Variants in MYO1F observed in about 807,000 individuals in gnomAD.
The protein encoded by MYO1F is myosin IF.
Under a neutral mutation model 146.6 loss-of-function variants are expected in MYO1F, and 60 were observed. That is an observed-to-expected ratio of 0.41 (90% CI 0.33 to 0.51). The LOEUF is 0.51. Among genes scored for constraint, MYO1F ranks in the 20% least tolerant of loss-of-function variants. The pLI is 0.25. For synonymous variants in MYO1F, 602 were observed against 602.1 expected (o/e 1.00, Z 0.00); for missense variants, 1,274 against 1,534.3 (o/e 0.83, Z 2.83).
rs60799506 is a variant in MYO1F at position 8,532,903 on chromosome 19, TACACACACACACACACACACAC to T, written c.2044-2352_2044-2331del. 3.4e-4 allele frequency among the ~76,000 whole-genome samples: 39 copies of T among 113,172 alleles called. 1 individual carries two copies. The highest frequency in any genetic ancestry group is 2.4e-3 in the South Asian group (8 of 3,270). 74.2% of individuals were successfully genotyped at this position (113,172 alleles called of 152,430 possible). A position where few individuals can be genotyped will look rare whatever the true frequency, so the allele number is the denominator to read the frequency against. ...ATCCTGTCTCAGAAAAAAAAAAAAA[TACACACACACACACACACACAC>T]ACACACACACACACACACACACACA... is the stretch of plus-strand genomic sequence containing the variant. On this transcript the variant is annotated intron_variant, in intron 19 of 27. Coordinates refer to ENST00000644032, the MANE Select transcript of MYO1F (RefSeq NM_012335.4).
Position 8,558,633 on chromosome 19 carries a change from A to G in MYO1F, c.4-2837T>C, listed in dbSNP as rs556421866. Reference sequence around the variant, plus strand: ...GGCTCACTCTGTCTCTATTCAACACATCTCTGCAAAGGAGTAGTCTGACAG... The same window carrying G: ...GGCTCACTCTGTCTCTATTCAACACGTCTCTGCAAAGGAGTAGTCTGACAG... On this transcript the variant is annotated intron_variant, in intron 1 of 27. Transcript: ENST00000644032. Among the ~76,000 whole-genome samples, 9 of 152,132 alleles carry G rather than the reference A, an allele frequency of 5.9e-5. No homozygotes were observed. The South Asian group carries it at 1.9e-3, about 32-fold the overall frequency.
In MYO1F at chr19:8,554,520, G is replaced by A. The variant is rs983365231; in HGVS notation, c.283C>T (p.Arg95Trp). 8 of 1,613,384 alleles carry A rather than the reference G, an allele frequency of 5.0e-6. No individual in the cohort carries two copies. Among genetic ancestry groups the A allele is most frequent in the South Asian group, 1.1e-5 (1 of 91,064 alleles). Residue 95 changes from arginine (R) to tryptophan (W), a missense_variant, in exon 4 of 28, where the codon CGG (arginine) becomes TGG (tryptophan). Arg to Trp is a moderately radical substitution (Grantham distance 101). Coordinates refer to ENST00000644032, the MANE Select transcript of MYO1F (RefSeq NM_012335.4). ...HIYALTDNMY[R>W]NMLIDCENQC... ...TTCTCACAGTCGATAAGCATGTTCC[G>A]GTACATGTTGTCCGTGAGGGCGTAG...
At chr19:8,554,432 G>C in intron 4 of MYO1F, 45 bp downstream of exon 4, 1 of 1,522,604 alleles carries the variant, frequency 6.6e-7, no homozygotes, top group South Asian at 1.1e-5. Flanking sequence ...TGTTTCAGCA[G>C]GGGCCCGGGC....
intron 1 of MYO1F, among the ~76,000 whole-genome samples, chr19:8,574,637 CTTTCTTTCCTTT>C (rs1398619605): frequency 2.2e-5 from 1 of 44,630 alleles, no homozygotes; most frequent in East Asian, 1.7e-3. Flanking sequence ...TTCTTTCTTT[CTTTCTTTCCTTT>C]CTTTCTCTTT....
At position 8,526,305 on chromosome 19, in the gene MYO1F, C is replaced by T. The variant is rs925935603; in HGVS notation, c.2770+148G>A. On this transcript the variant is annotated intron_variant, in intron 24 of 27. Coordinates refer to ENST00000644032, the MANE Select transcript of MYO1F (RefSeq NM_012335.4). Reference sequence around the variant, plus strand: ...TCGTGCCACAACACTCCAGCCTGGGCGACAGAGTGAGACTCCGTCTTAAAA... The same window carrying T: ...TCGTGCCACAACACTCCAGCCTGGGTGACAGAGTGAGACTCCGTCTTAAAA... The T allele has an allele frequency of 5.5e-6, 7 of 1,266,592 alleles. No individual in the cohort carries two copies. In the South Asian group the frequency reaches 9.2e-5, roughly 17 times the overall value. 78.5% of individuals were successfully genotyped at this position (1,266,592 alleles called of 1,614,324 possible). A position where few individuals can be genotyped will look rare whatever the true frequency, so the allele number is the denominator to read the frequency against.
intron 1 of MYO1F, among the ~76,000 whole-genome samples, chr19:8,570,404 C>G (rs1312902801): frequency 6.7e-6 from 1 of 149,626 alleles, no homozygotes; most frequent in Non-Finnish European, 1.5e-5. Context: ...GAGTCTCGCT[C>G]TTGTTGCTCA....
intron 1 of MYO1F, among the ~76,000 whole-genome samples, chr19:8,561,459 CCT>C (rs1280749693): frequency 4.5e-4 from 55 of 122,256 alleles, no homozygotes; most frequent in South Asian, 2.2e-3. Flanking sequence ...TCCCTCTCTC[CCT>C]CTCTCTCTCT....
In MYO1F at chr19:8,554,722, T is replaced by C; in HGVS notation, c.163A>G (p.Ile55Val). 1.9e-6 allele frequency: 3 copies of C among 1,613,818 alleles called. No individual in the cohort carries two copies. Among genetic ancestry groups the C allele is most frequent in the Non-Finnish European group, 2.5e-6 (3 of 1,179,972 alleles). ...YIFTYIGSVLISVNPFKQMPY... is the reference protein window; with the variant it reads ...YIFTYIGSVLVSVNPFKQMPY... ...ATCTGCTTGAAGGGGTTTACAGAGA[T>C]GAGCACAGAGCCGATGTAGGTCTGA... Residue 55 changes from isoleucine (I) to valine (V), a missense_variant, in exon 3 of 28, where the codon ATC becomes GTC. Around this residue, in one of 2 missense-constraint regions of MYO1F, gnomAD observed 900 missense variants for 1,155.1 expected, o/e 0.78. Transcript: ENST00000644032.
chr19:8,522,556 CAG>C lies in MYO1F; in HGVS notation c.3051-12_3051-11del. 1 of 1,610,814 alleles carries C rather than the reference CAG, an allele frequency of 6.2e-7. No individual in the cohort carries two copies. The highest frequency in any genetic ancestry group is 8.5e-7 in the Non-Finnish European group (1 of 1,178,862). On this transcript the variant is annotated splice_polypyrimidine_tract_variant and intron_variant, in intron 26 of 27. Transcript: ENST00000644032. ...GCGCTTCCTCTGCATGCTGTGGGCA[CAG>C]GGGGTTTGAGTCACAGCCCCAGACA...
intron 1 of MYO1F, among the ~76,000 whole-genome samples, chr19:8,574,881 G>A (rs1369451587): frequency 8.0e-5 from 12 of 149,194 alleles, no homozygotes; most frequent in African/African-American, 2.2e-4. Flanking sequence ...TCAGGTTCCC[G>A]GGTAGCTGGG....
At chr19:8,552,926 G>T (rs574597769) in intron 6 of MYO1F, among the ~76,000 whole-genome samples, 1 of 152,306 alleles carries the variant, frequency 6.6e-6, no homozygotes, top group African/African-American at 2.4e-5. Context: ...TTACACAGGG[G>T]TGTCATGGCC....
At chr19:8,553,048 TGGCAATAC>T in intron 6 of MYO1F, 83 bp downstream of exon 6, 1 of 1,240,488 alleles carries the variant, frequency 8.1e-7, no homozygotes, top group Admixed American at 1.7e-5. Context: ...ACTCTTGTCT[TGGCAATAC>T]GGGTGTGTGT....
intron 14 of MYO1F, chr19:8,544,038 G>A: frequency 1.8e-6 from 1 of 554,484 alleles, no homozygotes. Flanking sequence ...GGCGGTGGCG[G>A]TGCTGGTGGT....
Position 8,559,928 on chromosome 19 carries a change from C to A in MYO1F, c.4-4132G>T, listed in dbSNP as rs182856477. Among the ~76,000 whole-genome samples, 349 of 120,012 alleles carry A rather than the reference C, an allele frequency of 2.9e-3. 2 individuals carry two copies. The highest frequency in any genetic ancestry group is 0.01 in the African/African-American group (341 of 33,564). The allele number at this position is 120,012 out of a possible 152,430, so 78.7% of individuals were successfully genotyped here. A position where few individuals can be genotyped will look rare whatever the true frequency, so the allele number is the denominator to read the frequency against. ...TTGTGCCATTGCACTCCAGCCTGGG[C>A]AACAAGAGCAAAACTCCATCTCAGA... On this transcript the variant is annotated intron_variant, in intron 1 of 27. Transcript: ENST00000644032.
At chr19:8,561,032 T>C (rs1051529493) in intron 1 of MYO1F, among the ~76,000 whole-genome samples, 6 of 150,256 alleles carry the variant, frequency 4.0e-5, no homozygotes, top group Admixed American at 6.6e-5. Context: ...CCACTGCGCC[T>C]GGCCACGCCT....
intron 23 of MYO1F, 91 bp downstream of exon 23, chr19:8,526,698 C>A: frequency 6.5e-7 from 1 of 1,532,608 alleles, no homozygotes; most frequent in South Asian, 1.2e-5. Flanking sequence ...CGGCCGGGGC[C>A]GAAGCGCAGT....
chr19:8,530,579 C>CG lies in MYO1F; in HGVS notation c.2044-7dup. On this transcript the variant is annotated splice_polypyrimidine_tract_variant and splice_region_variant and intron_variant, in intron 19 of 27. Coordinates refer to ENST00000644032, the MANE Select transcript of MYO1F (RefSeq NM_012335.4). This position sits in a 1 kb window ranked among gnomAD's most constrained non-coding sequence, Gnocchi z 5.8. ...ACCTCCTCCAGGAGGAAAAGCTGGG[C>CG]GGGGGTCGTGGGGGGCAAGGGTGAG... The CG allele has an allele frequency of 1.2e-6, 2 of 1,608,498 alleles. No homozygotes were observed. Among genetic ancestry groups the CG allele is most frequent in the South Asian group, 1.1e-5 (1 of 91,048 alleles).
chr19:8,548,015 C>T (rs1490187895), intron 12 of MYO1F, 21 bp downstream of exon 12: 2 of 1,588,164 alleles, frequency 1.3e-6, no homozygotes, highest in South Asian at 2.2e-5. Flanking sequence ...ATCCCCCATC[C>T]CTGACTGCTT....
At position 8,552,157 on chromosome 19, in the gene MYO1F, T is replaced by A. The variant is rs1405426633; in HGVS notation, c.512A>T (p.Tyr171Phe). 2 of 1,613,924 alleles carry A rather than the reference T, an allele frequency of 1.2e-6. No homozygotes were observed. Among genetic ancestry groups the A allele is most frequent in the African/African-American group, 2.7e-5 (2 of 74,884 alleles). Residue 171 changes from tyrosine (Y) to phenylalanine (F), a missense_variant, in exon 7 of 28, where the codon TAC (tyrosine) becomes TTC (phenylalanine). Tyr to Phe is a conservative substitution (Grantham distance 22). Coordinates refer to ENST00000644032, the MANE Select transcript of MYO1F (RefSeq NM_012335.4). ...RNNNSSRFGK[Y>F]FEIQFSRGGE... ...ACCTCGGCTGAACTGGATCTCAAAG[T>A]ACTTGCCCTGAATCCGAGAGAACCA...
Sources: gnomAD v4.1 joint callset for allele counts (sites outside exome capture counted in the v4.1 genomes callset) on GRCh38, gnomAD v4.1.1 for gene constraint, gnomAD v4.1.1 regional missense constraint, Gnocchi (gnomAD v3.1) non-coding constraint, MANE v1.5 for transcripts, NCBI Gene and HGNC (gene_info 2026-07-23, HGNC 2026-07-21) for gene names.